TUFT1: variants seen among roughly 807,000 people sequenced by gnomAD.
The protein encoded by TUFT1 is tuftelin 1, also known as tuftelin.
TUFT1 carries 43 observed loss-of-function variants against 57.8 expected under a neutral mutation model. That is an observed-to-expected ratio of 0.74 (90% CI 0.58 to 0.96). The LOEUF (loss-of-function observed/expected upper bound fraction) is 0.96, where lower values mean the gene tolerates loss of function less well. Among genes scored for constraint, TUFT1 ranks in the 40% least tolerant of loss-of-function variants. TUFT1 has a pLI of 0.00. For missense variants in TUFT1, 459 were observed against 489.0 expected, an observed-to-expected ratio of 0.94 and a Z score of 0.58; for synonymous variants, 166 against 176.7, an observed-to-expected ratio of 0.94 and a Z score of 0.48.
chr1:151,566,009 T>C, intron 5 of TUFT1, 154 bp from the exon 6 acceptor site: 1 of 404,028 alleles, frequency 2.5e-6, no homozygotes, highest in Non-Finnish European at 4.6e-6. Context: ...TTTTTCTCCC[T>C]CCCTTTCTTT....
At chr1:151,564,013 G>T in intron 4 of TUFT1, 23 bp downstream of exon 4, 1 of 1,571,816 alleles carries the variant, frequency 6.4e-7, no homozygotes, top group Non-Finnish European at 8.7e-7. Context: ...TACCTCTCAC[G>T]CAGTGCCTAG....
At chr1:151,557,989 T>TAA (rs961018076) in intron 1 of TUFT1, 220 of 373,552 alleles carry the variant, frequency 5.9e-4, no homozygotes, top group South Asian at 7.7e-4. Context: ...CAAAAAAACT[T>TAA]AAAAAAAAAA....
At chr1:151,573,517 G>A (rs1334553653) in intron 7 of TUFT1, among the ~76,000 whole-genome samples, 5 of 152,196 alleles carry the variant, frequency 3.3e-5, no homozygotes, top group African/African-American at 1.2e-4. Flanking sequence ...GGCCAAGGCG[G>A]GCGGATCACC....
At chr1:151,567,409 T>C (rs1666119220) in intron 6 of TUFT1, among the ~76,000 whole-genome samples, 1 of 152,076 alleles carries the variant, frequency 6.6e-6, no homozygotes, top group Non-Finnish European at 1.5e-5. Context: ...AATTTTTGTA[T>C]TTTTTGTAAA....
intron 1 of TUFT1, among the ~76,000 whole-genome samples, chr1:151,543,162 G>T (rs575914641): frequency 3.3e-5 from 5 of 152,120 alleles, no homozygotes; most frequent in Non-Finnish European, 7.4e-5. Flanking sequence ...GATGCAGCAG[G>T]TACAAGGAGC....
intron 1 of TUFT1, among the ~76,000 whole-genome samples, chr1:151,541,733 C>T (rs1443899422): frequency 6.6e-6 from 1 of 152,306 alleles, no homozygotes. Context: ...TGGCCAACCC[C>T]AGTTGCCCAA....
At chr1:151,546,170 C>T (rs528039041) in intron 1 of TUFT1, among the ~76,000 whole-genome samples, 7 of 151,926 alleles carry the variant, frequency 4.6e-5, no homozygotes, top group South Asian at 2.1e-4. Flanking sequence ...CTCCAACACC[C>T]GGGTGGACTT....
Position 151,582,177 on chromosome 1 carries a change from CTGTT to C in TUFT1, c.*476_*479del, listed in dbSNP as rs139602364. 4.5e-3 allele frequency: 2,043 copies of C among 457,876 alleles called. 38 individuals are homozygous for C. The highest frequency in any genetic ancestry group is 0.037 in the African/African-American group (1,835 of 50,268). 28.4% of individuals were successfully genotyped at this position (457,876 alleles called of 1,614,324 possible). ...ACACAGCTCAGTTCTTAGCAACAAA[CTGTT>C]TGTTTTTCTACTTGCTCCATCTGCA... On this transcript the variant is annotated 3_prime_UTR_variant, in exon 13 of 13. Coordinates refer to ENST00000368849, the MANE Select transcript of TUFT1 (RefSeq NM_020127.3).
chr1:151,574,508 G>T lies in TUFT1; in HGVS notation c.723+110G>T. On this transcript the variant is annotated intron_variant, in intron 8 of 12. Transcript: ENST00000368849. ...TTCTTTTCCAAGCCTCTCCAGAAAAGCACACTTCGCACCTTCCTTTGGCAG... is the reference window on the plus strand; with the variant it reads ...TTCTTTTCCAAGCCTCTCCAGAAAATCACACTTCGCACCTTCCTTTGGCAG... The T allele has an allele frequency of 1.4e-6, 2 of 1,389,270 alleles. 1 individual carries two copies. The highest frequency in any genetic ancestry group is 2.8e-5 in the South Asian group (2 of 72,338). 86.1% of individuals were successfully genotyped at this position (1,389,270 alleles called of 1,614,324 possible). A position where few individuals can be genotyped will look rare whatever the true frequency, so the allele number is the denominator to read the frequency against.
intron 9 of TUFT1, among the ~76,000 whole-genome samples, chr1:151,577,791 G>A (rs892677719): frequency 2.6e-5 from 4 of 152,136 alleles, no homozygotes; most frequent in Admixed American, 6.5e-5. Context: ...GGGAGGCCGG[G>A]ACAGGAGGAT....
intron 6 of TUFT1, among the ~76,000 whole-genome samples, chr1:151,566,915 C>CTGAT (rs1005301055): frequency 1.6e-4 from 25 of 151,982 alleles, no homozygotes; most frequent in African/African-American, 4.8e-4. Flanking sequence ...GATTGATTGA[C>CTGAT]TGATTGATTG....
At position 151,562,138 on chromosome 1, in the gene TUFT1, A is replaced by G; in HGVS notation, c.108A>G (p.Gly36=). The part of the protein sequence containing the change: ...LRLTLQGELT[G]DELEHIAQKA... The stretch of plus-strand genomic sequence containing the variant: ...TGACTCTCCAGGGTGAACTGACAGG[A>G]GATGAACTTGAACACATAGCCCAGA... Residue 36 remains glycine, a synonymous_variant, in exon 2 of 13, where the codon GGA becomes GGG. Transcript: ENST00000368849. The G allele has an allele frequency of 6.2e-7, 1 of 1,614,156 alleles. No homozygotes were observed. The highest frequency in any genetic ancestry group is 8.5e-7 in the Non-Finnish European group (1 of 1,180,012).
intron 1 of TUFT1, among the ~76,000 whole-genome samples, chr1:151,556,304 C>T (rs1320562154): frequency 6.6e-6 from 1 of 151,550 alleles, no homozygotes; most frequent in Non-Finnish European, 1.5e-5. Flanking sequence ...CTGCTTTTTC[C>T]CTTTCCTTTC....
At chr1:151,553,974 G>T (rs1251523672) in intron 1 of TUFT1, among the ~76,000 whole-genome samples, 1 of 152,172 alleles carries the variant, frequency 6.6e-6, no homozygotes, top group Non-Finnish European at 1.5e-5. Flanking sequence ...TGATGTGTCT[G>T]TTGGCATCTT....
chr1:151,568,686 G>T (rs6701819), intron 6 of TUFT1, among the ~76,000 whole-genome samples: 134,871 of 152,246 alleles, frequency 0.89, 59,868 homozygotes, highest in South Asian at 0.98. Context: ...GCTTTAGATG[G>T]GCAGCTTGGA....
chr1:151,563,548 A>G (rs1296227789), intron 3 of TUFT1, among the ~76,000 whole-genome samples: 2 of 152,178 alleles, frequency 1.3e-5, no homozygotes, highest in Non-Finnish European at 2.9e-5. Flanking sequence ...CATGCCATCT[A>G]GGTTTGTGTG....
At position 151,582,425 on chromosome 1, in the gene TUFT1, A is replaced by AT. The variant is rs1558018946; in HGVS notation, c.*722dup. ...GAAAACTCCCAGAGTCTCTTTAGGG[A>AT]TTTTCCCTAAGGTGTACCACCAGGC... On this transcript the variant is annotated 3_prime_UTR_variant, in exon 13 of 13. Transcript: ENST00000368849. The AT allele has an allele frequency of 5.8e-6, 2 of 346,420 alleles. No homozygotes were observed. Among genetic ancestry groups the AT allele is most frequent in the Non-Finnish European group, 5.7e-6 (1 of 176,054 alleles). The allele number at this position is 346,420 out of a possible 1,614,324, so 21.5% of individuals were successfully genotyped here. A position where few individuals can be genotyped will look rare whatever the true frequency, so the allele number is the denominator to read the frequency against.
rs1179972263 is a variant in TUFT1, at chr1:151,569,782, G to T, written c.594+12G>T. The T allele has an allele frequency of 6.2e-7, 1 of 1,609,386 alleles. No individual in the cohort carries two copies. The highest frequency in any genetic ancestry group is 2.2e-5 in the East Asian group (1 of 44,844). On this transcript the variant is annotated intron_variant, in intron 7 of 12. Coordinates refer to ENST00000368849, the MANE Select transcript of TUFT1 (RefSeq NM_020127.3). ...GTGTGGCTTTTGAGGTGAGATTTGGGATTTGGGGAGAAGGTGCCCTAAGGG... is the reference window on the plus strand; with the variant it reads ...GTGTGGCTTTTGAGGTGAGATTTGGTATTTGGGGAGAAGGTGCCCTAAGGG...
chr1:151,547,364 A>G (rs1398602960), intron 1 of TUFT1, among the ~76,000 whole-genome samples: 1 of 152,234 alleles, frequency 6.6e-6, no homozygotes, highest in Non-Finnish European at 1.5e-5. Context: ...ACGTGTGCTC[A>G]GAGAGGTGGG....
Sources: gnomAD v4.1 joint callset for allele counts (sites outside exome capture counted in the v4.1 genomes callset) on GRCh38, gnomAD v4.1.1 for gene constraint, MANE v1.5 for transcripts, NCBI Gene and HGNC (gene_info 2026-07-23, HGNC 2026-07-21) for gene names.